Variants in PRKG1 observed in about 807,000 individuals in gnomAD.
PRKG1 encodes protein kinase cGMP-dependent 1.
In PRKG1, 35 loss-of-function variants were observed where a neutral mutation model predicts 88.1. The observed-to-expected ratio is 0.40, with a 90% confidence interval of 0.30 to 0.53. PRKG1 has a LOEUF of 0.53. PRKG1 is among the 20% of genes least tolerant of loss of function. The pLI is 0.59. For missense variants in PRKG1, 540 were observed against 839.8 expected, an observed-to-expected ratio of 0.64 and a Z score of 4.41; for synonymous variants, 303 against 292.5, an observed-to-expected ratio of 1.04 and a Z score of -0.37.
At chr10:52,190,832 G>A (rs1003282021) in intron 9 of PRKG1, among the ~76,000 whole-genome samples, 1 of 152,090 alleles carries the variant, frequency 6.6e-6, no homozygotes, top group Non-Finnish European at 1.5e-5. Context: ...TGCCACAACT[G>A]CTTTGTCGAG....
chr10:51,323,496 A>C (rs1841506166), intron 2 of PRKG1, among the ~76,000 whole-genome samples: 1 of 152,224 alleles, frequency 6.6e-6, no homozygotes, highest in Admixed American at 6.5e-5. Context: ...TCCCATCTGC[A>C]AAATGGAAGT....
Position 51,129,725 on chromosome 10 carries a change from G to A in PRKG1, c.312-23439G>A, listed in dbSNP as rs149138298. Among the ~76,000 whole-genome samples, 317 of 152,272 alleles carry A rather than the reference G, an allele frequency of 2.1e-3. 2 individuals are homozygous for A. Among genetic ancestry groups the A allele is most frequent in the African/African-American group, 7.4e-3 (307 of 41,578 alleles). On this transcript the variant is annotated intron_variant, in intron 1 of 17. Coordinates refer to ENST00000373980, the MANE Select transcript of PRKG1 (RefSeq NM_006258.4). The stretch of plus-strand genomic sequence containing the variant: ...ATTTTAGTTTCCTAGCAAGGCAGTT[G>A]GAAAGCATTGAATTTGATGCCTTTT...
Position 51,970,583 on chromosome 10 carries a change from A to T in PRKG1, c.762+63013A>T, listed in dbSNP as rs539331022. On this transcript the variant is annotated intron_variant, in intron 5 of 17. Coordinates refer to ENST00000373980, the MANE Select transcript of PRKG1 (RefSeq NM_006258.4). ...ATCATCAACTTTTATTTTTTTATTT[A>T]TTTAGTTTTTGCTATCCTTGTTTCA... 4.9e-3 allele frequency among the ~76,000 whole-genome samples: 738 copies of T among 150,390 alleles called. 3 individuals carry two copies. The highest frequency in any genetic ancestry group is 0.016 in the African/African-American group (664 of 41,280).
At chr10:51,801,559 T>C (rs934199261) in intron 3 of PRKG1, among the ~76,000 whole-genome samples, 5 of 152,130 alleles carry the variant, frequency 3.3e-5, no homozygotes, top group African/African-American at 4.8e-5. Flanking sequence ...AAAATAAATA[T>C]GAGCTGAATA....
At chr10:52,197,468 AG>A (rs1351594748) in intron 9 of PRKG1, among the ~76,000 whole-genome samples, 1 of 152,252 alleles carries the variant, frequency 6.6e-6, no homozygotes, top group African/African-American at 2.4e-5. Flanking sequence ...TGAAGACTAT[AG>A]AACAAGCTTC....
chr10:51,570,067 A>ATATATATATATATATATATGTGTG (rs1491310201), intron 3 of PRKG1, among the ~76,000 whole-genome samples: 2 of 113,078 alleles, frequency 1.8e-5, no homozygotes, highest in African/African-American at 7.2e-5. Flanking sequence ...ATATATATAT[A>ATATATATATATATATATATGTGTG]TGTGTGTGTG....
chr10:51,481,109 C>T (rs566204141), intron 3 of PRKG1, among the ~76,000 whole-genome samples: 1 of 152,096 alleles, frequency 6.6e-6, no homozygotes, highest in South Asian at 2.1e-4. Flanking sequence ...AGGAATATTA[C>T]CGAGAAAAAG....
At chr10:52,241,064 G>A (rs561585440) in intron 9 of PRKG1, among the ~76,000 whole-genome samples, 1 of 152,200 alleles carries the variant, frequency 6.6e-6, no homozygotes, top group East Asian at 1.9e-4. Context: ...TGAATCTTGG[G>A]AAGGGAAGGA....
intron 7 of PRKG1, among the ~76,000 whole-genome samples, chr10:52,113,369 T>A (rs1847611485): frequency 6.6e-6 from 1 of 151,908 alleles, no homozygotes; most frequent in Admixed American, 6.6e-5. Context: ...AATGGATGAA[T>A]GGATGGATGG....
intron 3 of PRKG1, among the ~76,000 whole-genome samples, chr10:51,625,724 A>T (rs917635321): frequency 1.2e-4 from 14 of 114,010 alleles, no homozygotes; most frequent in Admixed American, 4.4e-4. Context: ...GTTAAGATTT[A>T]AAAAAAAAAA....
chr10:51,432,165 A>G (rs1290650218), intron 2 of PRKG1, among the ~76,000 whole-genome samples: 3 of 152,184 alleles, frequency 2.0e-5, no homozygotes, highest in African/African-American at 4.8e-5. Context: ...AATCTTTATC[A>G]TTAGTCTTTA....
chr10:51,341,396 A>G (rs1842000803), intron 2 of PRKG1, among the ~76,000 whole-genome samples: 1 of 152,162 alleles, frequency 6.6e-6, no homozygotes. Context: ...GGCAGAACAA[A>G]GAGAAGTAAA....
intron 4 of PRKG1, among the ~76,000 whole-genome samples, chr10:51,846,568 G>C (rs889341086): frequency 2.0e-5 from 3 of 152,074 alleles, no homozygotes; most frequent in Admixed American, 1.3e-4. Context: ...GCCTTTTTCT[G>C]CCACTATATT....
At chr10:51,916,351 A>G (rs1031935654) in intron 5 of PRKG1, among the ~76,000 whole-genome samples, 4 of 152,212 alleles carry the variant, frequency 2.6e-5, no homozygotes, top group African/African-American at 9.6e-5. Flanking sequence ...CAGCACCATG[A>G]CAGTTTACAA....
intron 3 of PRKG1, among the ~76,000 whole-genome samples, chr10:51,566,733 G>A (rs1220361599): frequency 6.6e-6 from 1 of 151,902 alleles, no homozygotes; most frequent in Non-Finnish European, 1.5e-5. Flanking sequence ...AATGCGACTG[G>A]ATGGAGGACC....
intron 5 of PRKG1, among the ~76,000 whole-genome samples, chr10:51,948,167 A>G (rs944330756): frequency 2.1e-4 from 32 of 152,304 alleles, no homozygotes; most frequent in African/African-American, 6.5e-4. Flanking sequence ...AACAAGTGCT[A>G]GTTCACCATG....
chr10:51,147,059 TG>T (rs989555032), intron 1 of PRKG1, among the ~76,000 whole-genome samples: 1 of 152,146 alleles, frequency 6.6e-6, no homozygotes, highest in Non-Finnish European at 1.5e-5. Flanking sequence ...ATATAAATAC[TG>T]CATGTTCTCA....
intron 3 of PRKG1, among the ~76,000 whole-genome samples, chr10:51,630,586 T>C (rs1839498643): frequency 6.6e-6 from 1 of 152,110 alleles, no homozygotes; most frequent in Non-Finnish European, 1.5e-5. Flanking sequence ...TCCCGAAAAA[T>C]GTATCTCACA....
chr10:51,330,566 G>A (rs902258213), intron 2 of PRKG1, among the ~76,000 whole-genome samples: 1 of 152,100 alleles, frequency 6.6e-6, no homozygotes, highest in Admixed American at 6.5e-5. Context: ...ATTTCTGACT[G>A]TATGTTTTCA....
Sources: allele counts gnomAD v4.1 joint callset (sites outside exome capture counted in the v4.1 genomes callset), GRCh38; gene constraint gnomAD v4.1.1; transcripts MANE v1.5; gene names NCBI Gene and HGNC (gene_info 2026-07-23, HGNC 2026-07-21).